The following HECTD4 variants were observed in gnomAD, a reference collection of about 807,000 sequenced individuals.
HECTD4 encodes the protein probable E3 ubiquitin-protein ligase HECTD4.
Under a neutral mutation model 471.5 loss-of-function variants are expected in HECTD4, and 114 were observed. The observed-to-expected ratio is 0.24, with a 90% confidence interval of 0.21 to 0.28. HECTD4 has a LOEUF of 0.28. Ranked by LOEUF, HECTD4 falls within the 10% of genes least tolerant of loss-of-function variation. The pLI is 1.00. For missense variants in HECTD4, 3,866 were observed against 5,651.5 expected (o/e 0.68, Z 10.13); for synonymous variants, 2,012 against 2,256.0 (o/e 0.89, Z 3.07).
chr12:112,274,819 CA>C lies in HECTD4; in HGVS notation c.1801+27del, dbSNP rs1160593826. ...AAATTTGCTAAAACTTGAAATTTTC[CA>C]AAGATATGTGCAAGTTTATTTCTTA... On this transcript the variant is annotated intron_variant, in intron 10 of 75. Coordinates refer to ENST00000682272, the MANE Select transcript of HECTD4 (RefSeq NM_001388303.1). The C allele has an allele frequency of 1.4e-5, 19 of 1,397,716 alleles. No homozygotes were observed. In the East Asian group the frequency reaches 2.2e-4, roughly 16 times the overall value. 86.6% of individuals were successfully genotyped at this position (1,397,716 alleles called of 1,614,324 possible).
At chr12:112,180,468 G>A (rs370801851) in intron 62 of HECTD4, among the ~76,000 whole-genome samples, 251 of 152,034 alleles carry the variant, frequency 1.7e-3, no homozygotes, top group African/African-American at 5.7e-3. Context: ...CCAGGAGGTG[G>A]AGGTTGCAGT....
At chr12:112,347,891 A>G (rs1006639898) in intron 1 of HECTD4, among the ~76,000 whole-genome samples, 1 of 152,218 alleles carries the variant, frequency 6.6e-6, no homozygotes, top group Non-Finnish European at 1.5e-5. Context: ...TTCCATTTAT[A>G]TGGATGACGT....
At chr12:112,182,639 C>T (rs2031718662) in intron 62 of HECTD4, among the ~76,000 whole-genome samples, 1 of 152,158 alleles carries the variant, frequency 6.6e-6, no homozygotes, top group African/African-American at 2.4e-5. Flanking sequence ...GCTGGCTAGA[C>T]AAAAAGGAAA....
At chr12:112,196,557 C>T (rs529678449) in intron 55 of HECTD4, among the ~76,000 whole-genome samples, 12 of 152,278 alleles carry the variant, frequency 7.9e-5, no homozygotes, top group African/African-American at 2.6e-4. Flanking sequence ...TCACCTCAGA[C>T]TTTATAGGCA....
intron 1 of HECTD4, among the ~76,000 whole-genome samples, chr12:112,346,394 C>T (rs891607341): frequency 1.3e-5 from 2 of 152,312 alleles, no homozygotes; most frequent in Admixed American, 6.5e-5. Flanking sequence ...TTCTTTCCCT[C>T]CCCTCAGATC....
intron 18 of HECTD4, among the ~76,000 whole-genome samples, chr12:112,259,670 C>T (rs1036115512): frequency 1.2e-4 from 19 of 152,094 alleles, no homozygotes; most frequent in Admixed American, 2.6e-4. Context: ...CAGGTATGAA[C>T]TACTTAGGTT....
chr12:112,209,932 T>A, intron 50 of HECTD4, 83 bp downstream of exon 50: 1 of 1,150,398 alleles, frequency 8.7e-7, no homozygotes, highest in Non-Finnish European at 1.3e-6. Flanking sequence ...ATGAGGATGC[T>A]CAAGTGCAAT....
intron 7 of HECTD4, among the ~76,000 whole-genome samples, chr12:112,289,963 C>G (rs558278827): frequency 1.3e-5 from 2 of 152,150 alleles, no homozygotes; most frequent in African/African-American, 4.8e-5. Context: ...AGGCATGAGC[C>G]ACCGCACTCG....
intron 49 of HECTD4, 69 bp from the exon 50 acceptor site, chr12:112,210,321 G>A: frequency 6.6e-7 from 1 of 1,513,924 alleles, no homozygotes; most frequent in Non-Finnish European, 9.1e-7. Context: ...AGAGCCCAAG[G>A]CGCAGCTCAC....
rs11066206 is a variant in HECTD4, at chr12:112,235,958, C to T, written c.5445-174G>A. Among the ~76,000 whole-genome samples the T allele has an allele frequency of 0.042, 6,423 of 152,196 alleles. 1,220 individuals are homozygous for T. In the East Asian group the frequency reaches 0.61, roughly 14 times the overall value. ...GAATTTTGGAAACATTTGATGAAAC[C>T]AAACAACACTAATACTTAAAAAGAA... On this transcript the variant is annotated intron_variant, in intron 35 of 75. Transcript: ENST00000682272. The surrounding 1 kb of genome is among the most constrained non-coding windows in gnomAD (Gnocchi z 5.0).
chr12:112,381,571 C>T lies in HECTD4; in HGVS notation c.177+381G>A, dbSNP rs1308548294. Among the ~76,000 whole-genome samples, 2 of 151,818 alleles carry T rather than the reference C, an allele frequency of 1.3e-5. No individual in the cohort carries two copies. The highest frequency in any genetic ancestry group is 6.6e-5 in the Admixed American group (1 of 15,260). ...CAAAATGTTCCCAAAGCTAAGCAAC[C>T]TGGGTGTGCCCTGGAAGTGGGTCCT... is the stretch of plus-strand genomic sequence containing the variant. On this transcript the variant is annotated intron_variant, in intron 1 of 75. Transcript: ENST00000682272. The surrounding 1 kb of genome is among the most constrained non-coding windows in gnomAD (Gnocchi z 4.1).
At chr12:112,263,707 T>TATATATATATATATATA (rs1566091576) in intron 17 of HECTD4, among the ~76,000 whole-genome samples, 21 of 137,876 alleles carry the variant, frequency 1.5e-4, no homozygotes, top group East Asian at 1.0e-3. Context: ...CCCAAGATTT[T>TATATATATATATATATA]TATATATATA....
In HECTD4 at chr12:112,259,325, CTAA is replaced by C. The variant is rs2034092759; in HGVS notation, c.2874-63_2874-61del. On this transcript the variant is annotated intron_variant, in intron 18 of 75. Transcript: ENST00000682272. ...CAATGCCCAAACATGTGAAGAAGCA[CTAA>C]TGTCATCTTTATCTGACAATTTCTC... 4 of 1,548,354 alleles carry C rather than the reference CTAA, an allele frequency of 2.6e-6. No homozygotes were observed. The East Asian group carries it at 9.0e-5, about 35-fold the overall frequency.
chr12:112,171,075 CCT>C (rs2031198623), intron 68 of HECTD4, 40 bp downstream of exon 68: 1 of 1,545,118 alleles, frequency 6.5e-7, no homozygotes. Context: ...TTGCAGGTCA[CCT>C]CTCTCTTCCT....
intron 1 of HECTD4, among the ~76,000 whole-genome samples, chr12:112,341,455 G>A (rs904516625): frequency 1.3e-5 from 2 of 152,070 alleles, no homozygotes; most frequent in Admixed American, 1.3e-4. Flanking sequence ...AATAACTATG[G>A]CTGACCACTA....
In HECTD4 at chr12:112,163,390, G is replaced by A; in HGVS notation, c.12898-126C>T. On this transcript the variant is annotated intron_variant, in intron 74 of 75. Transcript: ENST00000682272. This position sits in a 1 kb window ranked among gnomAD's most constrained non-coding sequence, Gnocchi z 8.2. ...GTGCAACGTGTGGGCTGTGAGCACAGGGAGATGACAATGATGACAATGATA... is the reference window on the plus strand; with the variant it reads ...GTGCAACGTGTGGGCTGTGAGCACAAGGAGATGACAATGATGACAATGATA... 9.4e-7 allele frequency: 1 copy of A among 1,066,836 alleles called. No individual in the cohort carries two copies. The highest frequency in any genetic ancestry group is 1.3e-6 in the Non-Finnish European group (1 of 743,672). The allele number at this position is 1,066,836 out of a possible 1,614,324, so 66.1% of individuals were successfully genotyped here.
In HECTD4 at chr12:112,265,961, G is replaced by A. The variant is rs544431952; in HGVS notation, c.2415C>T (p.Ser805=). The change falls in exon 15 of 76, where the codon TCC becomes TCT. Residue 805 remains serine (S), a synonymous_variant. Transcript: ENST00000682272. ...LTEGERNSGL[S]QLRDVILTNL... ...TGGTTAGGATCACATCCCGTAGCTG[G>A]GAGAGTCCACTGTTTCTCTCTCCTA... The A allele has an allele frequency of 6.8e-6, 11 of 1,613,574 alleles. No individual in the cohort carries two copies. The highest frequency in any genetic ancestry group is 9.3e-6 in the Non-Finnish European group (11 of 1,179,678).
chr12:112,201,252 C>A (rs2032419124), intron 54 of HECTD4: 1 of 309,908 alleles, frequency 3.2e-6, no homozygotes, highest in Non-Finnish European at 6.3e-6. Context: ...CCACTGTGCC[C>A]AGCTAATTTT....
chr12:112,214,241 A>G (rs1593937396), intron 48 of HECTD4, among the ~76,000 whole-genome samples: 1 of 152,228 alleles, frequency 6.6e-6, no homozygotes, highest in Non-Finnish European at 1.5e-5. Context: ...TGTCAATTGC[A>G]TCGGCACTCT....
Sources: allele counts gnomAD v4.1 joint callset (sites outside exome capture counted in the v4.1 genomes callset), GRCh38; gene constraint gnomAD v4.1.1; non-coding constraint Gnocchi (gnomAD v3.1); transcripts MANE v1.5; gene names NCBI Gene and HGNC (gene_info 2026-07-23, HGNC 2026-07-21).